Variants in LRP2 observed in about 807,000 individuals in gnomAD.
LRP2 encodes the protein LDL receptor related protein 2.
Under a neutral mutation model 531.0 loss-of-function variants are expected in LRP2, and 172 were observed. The observed-to-expected ratio is 0.32, with a 90% CI of 0.29 to 0.37. The LOEUF is 0.37. Ranked by LOEUF, LRP2 falls within the 10% of genes least tolerant of loss-of-function variation. LRP2 has a pLI of 1.00. For synonymous variants in LRP2, 1,992 were observed against 2,027.6 expected (o/e 0.98, Z 0.47); for missense variants, 5,167 against 5,868.3 (o/e 0.88, Z 3.90).
At chr2:169,164,849 G>A (rs1686725697) in intron 62 of LRP2, among the ~76,000 whole-genome samples, 1 of 152,120 alleles carries the variant, frequency 6.6e-6, no homozygotes. Flanking sequence ...TGCTACAAAT[G>A]TCTTGCTCCA....
intron 50 of LRP2, among the ~76,000 whole-genome samples, chr2:169,183,273 G>A (rs1687507387): frequency 6.6e-6 from 1 of 152,202 alleles, no homozygotes; most frequent in South Asian, 2.1e-4. Context: ...CATCGCTTCA[G>A]GCTTCAGCAA....
intron 58 of LRP2, among the ~76,000 whole-genome samples, chr2:169,171,713 A>G (rs1283731937): frequency 6.6e-6 from 1 of 152,132 alleles, no homozygotes; most frequent in African/African-American, 2.4e-5. Flanking sequence ...TTCCTTTATC[A>G]TAAGTCACCT....
At chr2:169,134,041 C>T (rs1685393245) in intron 76 of LRP2, among the ~76,000 whole-genome samples, 1 of 152,192 alleles carries the variant, frequency 6.6e-6, no homozygotes. Flanking sequence ...TCCCAAACCT[C>T]AATCCCTTCT....
chr2:169,171,981 G>A (rs1253058802), intron 58 of LRP2, 34 bp downstream of exon 58: 13 of 1,613,052 alleles, frequency 8.1e-6, no homozygotes, highest in Non-Finnish European at 1.1e-5. Flanking sequence ...CAGCTCTGGT[G>A]GTATATAAGG....
At chr2:169,260,086 G>A (rs1352960048) in intron 16 of LRP2, among the ~76,000 whole-genome samples, 1 of 152,114 alleles carries the variant, frequency 6.6e-6, no homozygotes, top group Non-Finnish European at 1.5e-5. Context: ...ACTCAATCAA[G>A]TAGGCATTAG....
intron 31 of LRP2, among the ~76,000 whole-genome samples, chr2:169,229,841 A>G (rs1415623814): frequency 6.6e-6 from 1 of 152,206 alleles, no homozygotes; most frequent in African/African-American, 2.4e-5. Flanking sequence ...TTCTACATAT[A>G]TTCCAGCCTC....
rs1687617753 is a variant in LRP2 at position 169,185,864 on chromosome 2, C to A, written c.9484G>T (p.Val3162Phe). The change falls in exon 50 of 79, where the codon GTC becomes TTC. Residue 3162 changes from valine to phenylalanine, a missense_variant. Val to Phe is a conservative substitution (Grantham distance 50). Transcript: ENST00000649046. ...DIDECTEMPF[V>F]CSQKCENVIG... Reference sequence around the variant, plus strand: ...ACATTCTCACACTTCTGGCTACAGACAAAAGGCATCTCTGTGCATTCATCA... The same window carrying A: ...ACATTCTCACACTTCTGGCTACAGAAAAAAGGCATCTCTGTGCATTCATCA... 6.2e-7 allele frequency: 1 copy of A among 1,614,018 alleles called. No individual in the cohort carries two copies. Among genetic ancestry groups the A allele is most frequent in the Non-Finnish European group, 8.5e-7 (1 of 1,179,986 alleles).
intron 10 of LRP2, among the ~76,000 whole-genome samples, chr2:169,282,355 T>A (rs762268085): frequency 2.6e-5 from 4 of 152,254 alleles, no homozygotes; most frequent in Admixed American, 6.5e-5. Flanking sequence ...TCTACTACTC[T>A]GTACTACTCT....
chr2:169,286,519 G>C (rs1415070752), intron 9 of LRP2, among the ~76,000 whole-genome samples: 1 of 152,158 alleles, frequency 6.6e-6, no homozygotes, highest in Non-Finnish European at 1.5e-5. Flanking sequence ...TATAAAACAA[G>C]AACATTGTTA....
intron 46 of LRP2, among the ~76,000 whole-genome samples, chr2:169,195,396 C>T (rs957908865): frequency 3.3e-5 from 5 of 151,980 alleles, no homozygotes; most frequent in African/African-American, 1.2e-4. Flanking sequence ...CAAATTCACA[C>T]TCAACCTTTT....
At chr2:169,201,262 G>C (rs1688193755) in intron 44 of LRP2, among the ~76,000 whole-genome samples, 1 of 150,414 alleles carries the variant, frequency 6.6e-6, no homozygotes, top group Non-Finnish European at 1.5e-5. Flanking sequence ...AACTTGAACA[G>C]AGAACAGTAA....
At chr2:169,300,946 C>T (rs1039014720) in intron 4 of LRP2, among the ~76,000 whole-genome samples, 1 of 152,052 alleles carries the variant, frequency 6.6e-6, no homozygotes, top group African/African-American at 2.4e-5. Context: ...GCTGGAGTTT[C>T]AGCAGTTAAA....
chr2:169,345,754 CA>C (rs72365288), intron 1 of LRP2, among the ~76,000 whole-genome samples: 50,620 of 111,368 alleles, frequency 0.45, 8,544 homozygotes, highest in East Asian at 0.55. Context: ...AGGGGGCGGT[CA>C]AAAAAAAAAA....
chr2:169,225,557 A>G, intron 32 of LRP2, 104 bp from the exon 33 acceptor site: 1 of 1,335,952 alleles, frequency 7.5e-7, no homozygotes, highest in Non-Finnish European at 1.1e-6. Flanking sequence ...TTTCTTGAAC[A>G]GTCCTTACAC....
At chr2:169,248,227 T>C (rs1690089612) in intron 19 of LRP2, among the ~76,000 whole-genome samples, 1 of 152,204 alleles carries the variant, frequency 6.6e-6, no homozygotes, top group Non-Finnish European at 1.5e-5. Context: ...TTACACTAAC[T>C]ATTGCAGCAG....
intron 1 of LRP2, among the ~76,000 whole-genome samples, chr2:169,341,872 A>C (rs1158700966): frequency 6.6e-6 from 1 of 152,176 alleles, no homozygotes; most frequent in African/African-American, 2.4e-5. Context: ...TCTTATTACC[A>C]ATAGCATCCC....
intron 63 of LRP2, among the ~76,000 whole-genome samples, chr2:169,159,110 T>C (rs1686474468): frequency 6.6e-6 from 1 of 152,120 alleles, no homozygotes; most frequent in South Asian, 2.1e-4. Flanking sequence ...CTGGCGAAGA[T>C]GAACATAGAT....
chr2:169,146,253 A>T (rs1342742811), intron 69 of LRP2, among the ~76,000 whole-genome samples: 1 of 152,222 alleles, frequency 6.6e-6, no homozygotes, highest in Non-Finnish European at 1.5e-5. Context: ...TCTTTTGAAC[A>T]TAAGACATCT....
intron 1 of LRP2, among the ~76,000 whole-genome samples, chr2:169,330,330 C>T (rs1054853728): frequency 1.3e-5 from 2 of 152,152 alleles, no homozygotes; most frequent in African/African-American, 4.8e-5. Context: ...AGTGCCTTTC[C>T]AATAACCAAA....
Sources: gnomAD v4.1 joint callset for allele counts (sites outside exome capture counted in the v4.1 genomes callset) on GRCh38, gnomAD v4.1.1 for gene constraint, MANE v1.5 for transcripts, NCBI Gene and HGNC (gene_info 2026-07-23, HGNC 2026-07-21) for gene names.